The following MYO18B variants were observed in gnomAD, a reference collection of about 807,000 sequenced individuals.
MYO18B encodes the protein unconventional myosin-XVIIIb.
MYO18B carries 204 observed loss-of-function variants against 273.0 expected under a neutral mutation model. That is an observed-to-expected ratio of 0.75 (90% confidence interval 0.67 to 0.84). The LOEUF is 0.84. Ranked by LOEUF, MYO18B falls within the 40% of genes least tolerant of loss-of-function variation. The probability of loss-of-function intolerance (pLI) is 0.00; values close to 1 mark genes in which losing one functional copy is unlikely to be tolerated. For missense variants in MYO18B, 3,212 were observed against 3,287.6 expected (o/e 0.98, Z 0.56); for synonymous variants, 1,330 against 1,305.7 (o/e 1.02, Z -0.40).
chr22:25,940,636 C>T (rs1414200236), intron 34 of MYO18B, among the ~76,000 whole-genome samples: 1 of 152,156 alleles, frequency 6.6e-6, no homozygotes, highest in Non-Finnish European at 1.5e-5. Context: ...TAAACATCCC[C>T]CCGGTGGTAG....
chr22:25,804,937 A>G (rs2331160), intron 12 of MYO18B, among the ~76,000 whole-genome samples: 150,967 of 152,338 alleles, frequency 0.99, 74,809 homozygotes, highest in East Asian at 1. Context: ...ATGCTGCGCA[A>G]AAGGTGTGGT....
At chr22:25,885,289 A>G (rs1013889439) in intron 25 of MYO18B, among the ~76,000 whole-genome samples, 1 of 152,212 alleles carries the variant, frequency 6.6e-6, no homozygotes, top group African/African-American at 2.4e-5. Context: ...GATTTGTCCT[A>G]CATCACTCAG....
At chr22:25,910,724 G>A (rs1004709038) in intron 32 of MYO18B, among the ~76,000 whole-genome samples, 1 of 152,138 alleles carries the variant, frequency 6.6e-6, no homozygotes, top group African/African-American at 2.4e-5. Flanking sequence ...AAGGGCAAGG[G>A]GTTCCCCATC....
chr22:25,803,529 C>A (rs942165692), intron 12 of MYO18B, among the ~76,000 whole-genome samples: 3 of 151,980 alleles, frequency 2.0e-5, no homozygotes, highest in Non-Finnish European at 4.4e-5. Flanking sequence ...TAAAGGAGAG[C>A]CCAGAGGCAG....
intron 18 of MYO18B, among the ~76,000 whole-genome samples, chr22:25,844,503 A>G (rs970600941): frequency 3.3e-5 from 5 of 152,184 alleles, no homozygotes; most frequent in Admixed American, 1.3e-4. Flanking sequence ...AGAAAGAACC[A>G]CTTACTCACT....
intron 16 of MYO18B, among the ~76,000 whole-genome samples, 166 bp downstream of exon 16, chr22:25,833,163 G>A (rs569549335): frequency 6.6e-6 from 1 of 152,314 alleles, no homozygotes; most frequent in East Asian, 1.9e-4. Context: ...CAGATTCTGT[G>A]TAAATTGTTC....
the MYO18B span, among the ~76,000 whole-genome samples, chr22:26,043,360 G>A: frequency 6.6e-6 from 1 of 152,100 alleles, no homozygotes; most frequent in East Asian, 1.9e-4. Context: ...AAGCTGCTGT[G>A]AACATTTGTG....
At chr22:26,061,513 T>C in the MYO18B span, among the ~76,000 whole-genome samples, 1 of 151,972 alleles carries the variant, frequency 6.6e-6, no homozygotes, top group Non-Finnish European at 1.5e-5. Flanking sequence ...TGGGCTTCTC[T>C]AGCCTCACCA....
At chr22:26,043,502 T>C in the MYO18B span, among the ~76,000 whole-genome samples, 6 of 147,104 alleles carry the variant, frequency 4.1e-5, no homozygotes, top group Non-Finnish European at 7.4e-5. Context: ...TTCTTCCTTT[T>C]TTTTCTTTCT....
intron 12 of MYO18B, among the ~76,000 whole-genome samples, chr22:25,805,929 G>A (rs2088453681): frequency 6.6e-6 from 1 of 152,156 alleles, no homozygotes; most frequent in East Asian, 1.9e-4. Flanking sequence ...TTCCTGCTCT[G>A]TATGCTCCAG....
At position 25,823,645 on chromosome 22, in the gene MYO18B, C is replaced by G. The variant is rs748105362; in HGVS notation, c.2662C>G (p.Arg888Gly). ...IIQQMTFGPS[R>G]WGLEDEETSS... is the part of the protein sequence containing the mutation. ...CCAGCAAATGACGTTTGGGCCAAGCCGATGGGGCCTCGAGGATGAGGAAAC... is the reference window on the plus strand; with the variant it reads ...CCAGCAAATGACGTTTGGGCCAAGCGGATGGGGCCTCGAGGATGAGGAAAC... Residue 888 changes from arginine to glycine, a missense_variant, in exon 13 of 44, where the codon CGA (arginine) becomes GGA (glycine). Physicochemically the swap from Arg to Gly is moderately radical, Grantham distance 125. Coordinates refer to ENST00000335473, the MANE Select transcript of MYO18B (RefSeq NM_032608.7). 6.2e-7 allele frequency: 1 copy of G among 1,613,940 alleles called. No individual in the cohort carries two copies. The highest frequency in any genetic ancestry group is 8.5e-7 in the Non-Finnish European group (1 of 1,179,864).
intron 39 of MYO18B, among the ~76,000 whole-genome samples, chr22:25,989,518 C>T (rs982092440): frequency 7.3e-5 from 11 of 150,914 alleles, no homozygotes; most frequent in Admixed American, 2.0e-4. Context: ...CGTGGTGGCT[C>T]ACGCCTGTAC....
chr22:26,010,336 G>A (rs1275312158), intron 42 of MYO18B, among the ~76,000 whole-genome samples: 1 of 152,140 alleles, frequency 6.6e-6, no homozygotes, highest in Non-Finnish European at 1.5e-5. Context: ...GCTCCTCATT[G>A]CCTACAGCAG....
rs779943442 is a variant in MYO18B, at chr22:25,952,305, G to A, written c.5852G>A (p.Arg1951His). The A allele has an allele frequency of 7.5e-6, 12 of 1,610,060 alleles. No homozygotes were observed. The highest frequency in any genetic ancestry group is 2.7e-5 in the African/African-American group (2 of 74,866). Residue 1951 changes from arginine to histidine, a missense_variant, in exon 38 of 44, where the codon CGC (arginine) becomes CAC (histidine). Arg to His is a conservative substitution (Grantham distance 29). Coordinates refer to ENST00000335473, the MANE Select transcript of MYO18B (RefSeq NM_032608.7). ...TTACAGCTGCAGGTGGCTCAGATGC[G>A]CATCGAGTACCTGGAACAGTCCACC... Reference protein sequence around the residue: ...LQEQLQVAQMRIEYLEQSTVD... With the variant: ...LQEQLQVAQMHIEYLEQSTVD...
intron 42 of MYO18B, among the ~76,000 whole-genome samples, chr22:26,022,358 T>C (rs1421593285): frequency 1.3e-5 from 2 of 151,816 alleles, no homozygotes; most frequent in African/African-American, 4.8e-5. Context: ...GGAATGGGGA[T>C]GATCATCCAG....
intron 34 of MYO18B, among the ~76,000 whole-genome samples, chr22:25,945,284 C>G (rs1465353111): frequency 6.6e-6 from 1 of 152,124 alleles, no homozygotes; most frequent in Non-Finnish European, 1.5e-5. Flanking sequence ...AAGCCTCCCT[C>G]AATTCCCATC....
chr22:25,846,537 G>A (rs1027553759), intron 19 of MYO18B, among the ~76,000 whole-genome samples: 4 of 152,180 alleles, frequency 2.6e-5, no homozygotes, highest in African/African-American at 9.6e-5. Flanking sequence ...GAGTTGAGAG[G>A]CCTGGGGGAG....
intron 37 of MYO18B, among the ~76,000 whole-genome samples, chr22:25,950,985 C>T (rs1349925817): frequency 2.0e-5 from 3 of 152,162 alleles, no homozygotes; most frequent in Admixed American, 1.3e-4. Context: ...ACTTGGAATT[C>T]AATGTTCAAG....
chr22:26,017,928 G>A (rs1021452124), intron 42 of MYO18B, among the ~76,000 whole-genome samples: 1 of 145,522 alleles, frequency 6.9e-6, no homozygotes, highest in African/African-American at 2.5e-5. Context: ...AAATGAGAAC[G>A]ATCCCCTTAT....
Sources: allele counts gnomAD v4.1 joint callset (sites outside exome capture counted in the v4.1 genomes callset), GRCh38; gene constraint gnomAD v4.1.1; transcripts MANE v1.5; gene names NCBI Gene and HGNC (gene_info 2026-07-23, HGNC 2026-07-21).